AP3S2: variants seen among roughly 807,000 people sequenced by gnomAD.
AP3S2 encodes the protein AP-3 complex subunit sigma-2.
AP3S2 carries 22 observed loss-of-function variants against 23.4 expected under a neutral mutation model. The ratio of observed to expected loss-of-function variants is 0.94; its 90% CI spans 0.67 to 1.34. AP3S2 has a LOEUF of 1.34. Among genes scored for constraint, AP3S2 ranks in the 40% most tolerant of loss-of-function variants. AP3S2 has a pLI of 0.00. For synonymous variants in AP3S2, 86 were observed against 87.1 expected (o/e 0.99, Z 0.07); for missense variants, 241 against 236.9 (o/e 1.02, Z -0.11).
At chr15:89,889,647 A>G (rs1896772963) in intron 1 of AP3S2, among the ~76,000 whole-genome samples, 1 of 152,134 alleles carries the variant, frequency 6.6e-6, no homozygotes, top group African/African-American at 2.4e-5. Context: ...CAGCCTGACC[A>G]ATATGGTGAA....
intron 4 of AP3S2, among the ~76,000 whole-genome samples, chr15:89,858,013 G>T (rs1187542657): frequency 6.6e-6 from 1 of 152,148 alleles, no homozygotes; most frequent in Non-Finnish European, 1.5e-5. Context: ...CACCACAATG[G>T]CCACATAGCA....
chr15:89,878,748 T>G (rs1370819365), intron 3 of AP3S2, among the ~76,000 whole-genome samples: 1 of 151,944 alleles, frequency 6.6e-6, no homozygotes, highest in Non-Finnish European at 1.5e-5. Flanking sequence ...TTGTTGCTGT[T>G]TCTTTGTTTG....
rs1197435047 is a variant in AP3S2 at position 89,867,609 on chromosome 15, G to A, written c.345+3866C>T. Reference sequence around the variant, plus strand: ...CGCCATCACATCTAGGAAGTGAGGAGCGTCTCTGCCCGGCCGCCCATCGTC... The same window carrying A: ...CGCCATCACATCTAGGAAGTGAGGAACGTCTCTGCCCGGCCGCCCATCGTC... On this transcript the variant is annotated intron_variant, in intron 4 of 5. Coordinates refer to ENST00000336418, the MANE Select transcript of AP3S2 (RefSeq NM_005829.5). Among the ~76,000 whole-genome samples the A allele has an allele frequency of 1.3e-4, 17 of 131,676 alleles. No individual in the cohort carries two copies. In the South Asian group the frequency reaches 3.3e-3, roughly 25 times the overall value. 86.4% of individuals were successfully genotyped at this position (131,676 alleles called of 152,430 possible). A position where few individuals can be genotyped will look rare whatever the true frequency, so the allele number is the denominator to read the frequency against.
chr15:89,861,381 A>G lies in AP3S2; in HGVS notation c.345+10094T>C, dbSNP rs191883069. ...TTGTGACTCTGATGACCAAATCTTG[A>G]AAGCCCAATTGAATTCTAAATCCAG... On this transcript the variant is annotated intron_variant, in intron 4 of 5. Transcript: ENST00000336418. Among the ~76,000 whole-genome samples the G allele has an allele frequency of 2.7e-3, 410 of 152,332 alleles. 4 individuals carry two copies. The highest frequency in any genetic ancestry group is 5.4e-3 in the South Asian group (26 of 4,828).
intron 3 of AP3S2, among the ~76,000 whole-genome samples, chr15:89,874,866 T>C (rs532990675): frequency 2.8e-4 from 43 of 152,296 alleles, no homozygotes; most frequent in African/African-American, 1.0e-3. Flanking sequence ...TACTGAAACA[T>C]ACATGTTTAT....
chr15:89,882,142 C>A (rs1329742457), intron 3 of AP3S2, among the ~76,000 whole-genome samples: 2 of 151,992 alleles, frequency 1.3e-5, no homozygotes, highest in Admixed American at 6.6e-5. Flanking sequence ...TTCTAAATAT[C>A]TATCTAGCAA....
chr15:89,835,569 G>A lies in AP3S2; in HGVS notation c.528C>T (p.Asn176=), dbSNP rs1446233598. 1 of 1,614,060 alleles carries A rather than the reference G, an allele frequency of 6.2e-7. No homozygotes were observed. The highest frequency in any genetic ancestry group is 1.1e-5 in the South Asian group (1 of 91,082). Reference sequence around the variant, plus strand: ...TGATGTTGAGATCGCCAATGTTGATGTTCCGAGGAATCTCTGGCAGGTTGA... The same window carrying A: ...TGATGTTGAGATCGCCAATGTTGATATTCCGAGGAATCTCTGGCAGGTTGA... ...KNINLPEIPR[N]INIGDLNIKV... Residue 176 remains asparagine, a synonymous_variant, in exon 6 of 6, where the codon AAC becomes AAT. Transcript: ENST00000336418.
chr15:89,877,500 A>G, intron 3 of AP3S2: 2 of 779,464 alleles, frequency 2.6e-6, no homozygotes. Flanking sequence ...AGCATTCGAT[A>G]ACGTTCATAA....
At chr15:89,844,285 T>C (rs372217291) in intron 4 of AP3S2, among the ~76,000 whole-genome samples, 1 of 61,932 alleles carries the variant, frequency 1.6e-5, no homozygotes, top group South Asian at 7.1e-4. Context: ...CTCTCTCTCT[T>C]TCTTTCTTTA....
intron 3 of AP3S2, 48 bp downstream of exon 3, chr15:89,888,473 C>T (rs750940837): frequency 2.5e-6 from 4 of 1,587,986 alleles, no homozygotes; most frequent in Non-Finnish European, 3.5e-6. Flanking sequence ...TCAAAAATCC[C>T]GTGGAAACTC....
intron 3 of AP3S2, among the ~76,000 whole-genome samples, chr15:89,873,029 T>C (rs1205510390): frequency 1.3e-5 from 2 of 152,150 alleles, no homozygotes; most frequent in Non-Finnish European, 2.9e-5. Context: ...ATACAATAAT[T>C]TCATATTAGT....
chr15:89,852,833 C>G (rs970864114), intron 4 of AP3S2, among the ~76,000 whole-genome samples: 3 of 152,192 alleles, frequency 2.0e-5, no homozygotes, highest in African/African-American at 7.2e-5. Flanking sequence ...CCTTTACATG[C>G]TGGCTCAAAG....
chr15:89,870,004 G>T lies in AP3S2; in HGVS notation c.345+1471C>A, dbSNP rs557601393. ...GATCTGCCCACCTCAGCCTCCCAAA[G>T]TGCTGGGATTACAGGTGTGAGCCAC... On this transcript the variant is annotated intron_variant, in intron 4 of 5. Transcript: ENST00000336418. Among the ~76,000 whole-genome samples, 5 of 152,204 alleles carry T rather than the reference G, an allele frequency of 3.3e-5. No homozygotes were observed. In the South Asian group the frequency reaches 1.0e-3, roughly 32 times the overall value.
intron 3 of AP3S2, among the ~76,000 whole-genome samples, chr15:89,879,961 ATT>A (rs34697679): frequency 3.4e-4 from 46 of 134,178 alleles, no homozygotes; most frequent in Middle Eastern, 4.0e-3. Context: ...CATACTCTTC[ATT>A]TTTTTTTTTT....
intron 4 of AP3S2, among the ~76,000 whole-genome samples, chr15:89,860,486 T>A (rs193025033): frequency 1.4e-4 from 22 of 152,284 alleles, no homozygotes; most frequent in Admixed American, 1.2e-3. Flanking sequence ...ATGATTCCCA[T>A]CCTGGAGCAG....
intron 3 of AP3S2, among the ~76,000 whole-genome samples, chr15:89,885,265 G>C (rs1465095478): frequency 1.3e-5 from 2 of 151,862 alleles, no homozygotes; most frequent in Non-Finnish European, 2.9e-5. Flanking sequence ...TGTGATCTCA[G>C]CTCACTGCAA....
At chr15:89,873,264 G>A (rs1896360965) in intron 3 of AP3S2, among the ~76,000 whole-genome samples, 1 of 149,914 alleles carries the variant, frequency 6.7e-6, no homozygotes, top group Admixed American at 6.7e-5. Flanking sequence ...TTATATTCAA[G>A]TATTGGACCT....
chr15:89,856,361 G>A (rs1895835878), intron 4 of AP3S2, among the ~76,000 whole-genome samples: 1 of 152,142 alleles, frequency 6.6e-6, no homozygotes. Context: ...TCAGGAATTT[G>A]AGACCAGGTT....
intron 4 of AP3S2, among the ~76,000 whole-genome samples, chr15:89,865,227 T>C (rs1296558108): frequency 7.2e-6 from 1 of 138,210 alleles, no homozygotes; most frequent in Non-Finnish European, 1.6e-5. Context: ...CTTCCACAAA[T>C]GGAATATATA....
Sources: gnomAD v4.1 joint callset for allele counts (sites outside exome capture counted in the v4.1 genomes callset) on GRCh38, gnomAD v4.1.1 for gene constraint, MANE v1.5 for transcripts, NCBI Gene and HGNC (gene_info 2026-07-23, HGNC 2026-07-21) for gene names.